Variants in MALRD1 observed in about 807,000 individuals in gnomAD.
The protein encoded by MALRD1 is MAM and LDL receptor class A domain containing 1, also known as MAM and LDL-receptor class A domain-containing protein 1.
In MALRD1, 247 loss-of-function variants were observed where a neutral mutation model predicts 242.1. The observed-to-expected ratio is 1.02, with a 90% CI of 0.92 to 1.13. MALRD1 has a LOEUF of 1.13. Ranked by LOEUF, MALRD1 falls within the 50% of genes most tolerant of loss-of-function variation. The pLI is 0.00. For missense variants in MALRD1, 2,989 were observed against 2,533.1 expected (o/e 1.18, Z -3.86); for synonymous variants, 995 against 866.6 (o/e 1.15, Z -2.60).
chr10:19,431,806 C>G (rs966706286), intron 28 of MALRD1, among the ~76,000 whole-genome samples: 2 of 152,170 alleles, frequency 1.3e-5, no homozygotes, highest in African/African-American at 4.8e-5. Flanking sequence ...TACTGTTCTT[C>G]TGTTTGCATT....
intron 5 of MALRD1, among the ~76,000 whole-genome samples, chr10:19,114,323 A>C (rs2131360988): frequency 6.6e-6 from 1 of 152,330 alleles, no homozygotes; most frequent in East Asian, 1.9e-4. Context: ...GGACTTAAAG[A>C]AAATGAGTGG....
At chr10:19,053,321 A>T (rs910907032) in intron 1 of MALRD1, among the ~76,000 whole-genome samples, 1 of 152,164 alleles carries the variant, frequency 6.6e-6, no homozygotes. Flanking sequence ...TCATTTGCTC[A>T]TCCTTGCAAT....
intron 36 of MALRD1, among the ~76,000 whole-genome samples, chr10:19,691,742 T>G (rs1056395201): frequency 2.6e-5 from 4 of 152,176 alleles, no homozygotes; most frequent in Non-Finnish European, 5.9e-5. Flanking sequence ...GGAACCCTTG[T>G]AAGTGTCTGA....
intron 36 of MALRD1, among the ~76,000 whole-genome samples, chr10:19,629,380 C>T (rs945042258): frequency 2.0e-5 from 3 of 152,084 alleles, no homozygotes; most frequent in Admixed American, 6.6e-5. Flanking sequence ...TTTCTGTCCT[C>T]CGAGAGGAGT....
intron 33 of MALRD1, among the ~76,000 whole-genome samples, chr10:19,575,138 G>A (rs544116862): frequency 1.7e-4 from 26 of 152,092 alleles, no homozygotes; most frequent in Admixed American, 7.9e-4. Flanking sequence ...GAATTGCCCC[G>A]TTTCACTTAT....
rs557466871 is a variant in MALRD1, at chr10:19,515,858, G to A, written c.5321-15336G>A. 2.6e-5 allele frequency among the ~76,000 whole-genome samples: 4 copies of A among 152,180 alleles called. No homozygotes were observed. In the East Asian group the frequency reaches 7.8e-4, roughly 30 times the overall value. On this transcript the variant is annotated intron_variant, in intron 31 of 39. Transcript: ENST00000454679. ...GCTCGGATTACAGGCGTGAGCCACC[G>A]TGCATGGCCAACTTTCTCTTCTTGC...
chr10:19,194,416 C>T (rs1453066625), intron 14 of MALRD1, among the ~76,000 whole-genome samples: 1 of 152,122 alleles, frequency 6.6e-6, no homozygotes, highest in African/African-American at 2.4e-5. Flanking sequence ...ACAAAACGTT[C>T]TCTTCTTTTT....
At chr10:19,204,618 G>A (rs1270388730) in intron 16 of MALRD1, among the ~76,000 whole-genome samples, 1 of 151,902 alleles carries the variant, frequency 6.6e-6, no homozygotes, top group African/African-American at 2.4e-5. Context: ...AGATGAAAGG[G>A]GCTCTTTCCC....
At chr10:19,168,184 C>A (rs1041736120) in intron 13 of MALRD1, among the ~76,000 whole-genome samples, 1 of 152,158 alleles carries the variant, frequency 6.6e-6, no homozygotes, top group African/African-American at 2.4e-5. Flanking sequence ...TTATTCTATT[C>A]TCATATTTAA....
chr10:19,474,299 A>G (rs1326701670), intron 29 of MALRD1, among the ~76,000 whole-genome samples: 1 of 152,206 alleles, frequency 6.6e-6, no homozygotes, highest in Non-Finnish European at 1.5e-5. Flanking sequence ...ATAAGAAAAT[A>G]TAAGTACATA....
At position 19,607,808 on chromosome 10, in the gene MALRD1, G is replaced by A. The variant is rs1332864102; in HGVS notation, c.5976G>A (p.Val1992=). 1.3e-6 allele frequency: 2 copies of A among 1,549,456 alleles called. No homozygotes were observed. The highest frequency in any genetic ancestry group is 8.7e-7 in the Non-Finnish European group (1 of 1,146,416). ...AAAGCTGTTCTAATGGAGCTCTGGTGTGTGCCTCCTCCAACAGCTGTATCC... is the reference window on the plus strand; with the variant it reads ...AAAGCTGTTCTAATGGAGCTCTGGTATGTGCCTCCTCCAACAGCTGTATCC... ...SNKSCSNGAL[V]CASSNSCIPA... is the part of the protein sequence containing the mutation. Residue 1992 remains valine, a synonymous_variant, in exon 35 of 40, where the codon GTG becomes GTA. Transcript: ENST00000454679.
intron 21 of MALRD1, among the ~76,000 whole-genome samples, chr10:19,285,391 AC>A (rs1262134284): frequency 6.8e-6 from 1 of 147,140 alleles, no homozygotes; most frequent in Non-Finnish European, 1.5e-5. Context: ...TTTAGGTCTA[AC>A]GTTTAAATCT....
intron 21 of MALRD1, among the ~76,000 whole-genome samples, chr10:19,300,237 A>G (rs1274333268): frequency 6.6e-6 from 1 of 151,964 alleles, no homozygotes; most frequent in Non-Finnish European, 1.5e-5. Context: ...AGCAAACGGA[A>G]AAGAAATTCA....
intron 19 of MALRD1, among the ~76,000 whole-genome samples, chr10:19,258,824 C>T (rs1415522836): frequency 6.6e-6 from 1 of 152,140 alleles, no homozygotes; most frequent in Non-Finnish European, 1.5e-5. Context: ...CTCTCAATGC[C>T]TAAAAGTGAA....
chr10:19,366,444 T>C (rs1283034237), intron 26 of MALRD1, among the ~76,000 whole-genome samples: 1 of 152,088 alleles, frequency 6.6e-6, no homozygotes, highest in African/African-American at 2.4e-5. Context: ...TTAGCTCACT[T>C]GCCCGCTGCT....
chr10:19,145,243 G>C (rs914654338), intron 10 of MALRD1, among the ~76,000 whole-genome samples: 1 of 152,086 alleles, frequency 6.6e-6, no homozygotes, highest in Non-Finnish European at 1.5e-5. Context: ...AGCTGTGAAA[G>C]GTGCCTATAA....
intron 14 of MALRD1, among the ~76,000 whole-genome samples, chr10:19,178,219 A>G (rs546973221): frequency 5.9e-5 from 9 of 152,314 alleles, no homozygotes; most frequent in African/African-American, 2.2e-4. Flanking sequence ...TAATATATCT[A>G]ATTAGGACAG....
chr10:19,094,921 G>T (rs527595335), intron 4 of MALRD1, among the ~76,000 whole-genome samples: 120 of 152,206 alleles, frequency 7.9e-4, no homozygotes, highest in African/African-American at 2.8e-3. Flanking sequence ...AAGAATTATT[G>T]CCTATTTTAA....
At chr10:19,529,553 G>GC (rs1183436974) in intron 31 of MALRD1, among the ~76,000 whole-genome samples, 2 of 142,448 alleles carry the variant, frequency 1.4e-5, no homozygotes, top group South Asian at 2.4e-4. Context: ...AGGAGGGGGG[G>GC]GGAGAAAACA....
Sources: gnomAD v4.1 joint callset for allele counts (sites outside exome capture counted in the v4.1 genomes callset) on GRCh38, gnomAD v4.1.1 for gene constraint, MANE v1.5 for transcripts, NCBI Gene and HGNC (gene_info 2026-07-23, HGNC 2026-07-21) for gene names.